The following C2orf78 variants were observed in gnomAD, a reference collection of about 807,000 sequenced individuals.
C2orf78 encodes the protein chromosome 2 open reading frame 78, also known as uncharacterized protein C2orf78.
In C2orf78, 12 loss-of-function variants were observed where a neutral mutation model predicts 21.4. The ratio of observed to expected loss-of-function variants is 0.56; its 90% CI spans 0.36 to 0.91. C2orf78 has a LOEUF of 0.91. Among genes scored for constraint, C2orf78 ranks in the 40% least tolerant of loss-of-function variants. The pLI is 0.01. For missense variants in C2orf78, 1,042 were observed against 1,092.4 expected (o/e 0.95, Z 0.65); for synonymous variants, 396 against 413.9 (o/e 0.96, Z 0.52).
chr2:73,811,369 AT>A (rs1327623611), intron 1 of C2orf78, among the ~76,000 whole-genome samples: 1 of 152,140 alleles, frequency 6.6e-6, no homozygotes, highest in Non-Finnish European at 1.5e-5. Flanking sequence ...AGGACATGTA[AT>A]TTGCAGTGTG....
At chr2:73,817,062 T>G (rs1673219609) in exon 3 of C2orf78, 1 of 1,392,352 alleles carries the variant, frequency 7.2e-7, no homozygotes, top group East Asian at 2.5e-5. Flanking sequence ...ACTAATTTAT[T>G]TATTCTGATA....
intron 2 of C2orf78, 126 bp from the exon 3 acceptor site, chr2:73,814,945 A>G (rs1273478079): frequency 1.2e-5 from 10 of 835,684 alleles, no homozygotes; most frequent in Non-Finnish European, 1.9e-5. Flanking sequence ...GGTCTTGCCC[A>G]TGGTCCTTAA....
chr2:73,815,409 C>T, exon 3 of C2orf78: 2 of 1,613,964 alleles, frequency 1.2e-6, no homozygotes, highest in Non-Finnish European at 1.7e-6. Flanking sequence ...CCCCGATATT[C>T]ACCCGCTTCT....
At chr2:73,809,106 C>T (rs183255290) in intron 1 of C2orf78, among the ~76,000 whole-genome samples, 29 of 152,286 alleles carry the variant, frequency 1.9e-4, no homozygotes, top group African/African-American at 6.5e-4. Context: ...AAATCTGTTT[C>T]CTCATCTATT....
intron 1 of C2orf78, among the ~76,000 whole-genome samples, chr2:73,809,124 G>A (rs1443882555): frequency 6.6e-6 from 1 of 152,106 alleles, no homozygotes; most frequent in Non-Finnish European, 1.5e-5. Context: ...ATTACACTAG[G>A]ATAATAGACT....
intron 2 of C2orf78, among the ~76,000 whole-genome samples, chr2:73,814,689 T>G (rs1673157971): frequency 6.6e-6 from 1 of 152,206 alleles, no homozygotes; most frequent in South Asian, 2.1e-4. Flanking sequence ...ATATATTTCA[T>G]GAGGAAGGGC....
At chr2:73,813,797 T>C (rs767965241) in exon 2 of C2orf78, 6 of 1,613,910 alleles carry the variant, frequency 3.7e-6, no homozygotes, top group Non-Finnish European at 4.2e-6. Flanking sequence ...AAAGAAGTCA[T>C]CCTCACTCAG....
chr2:73,786,109 G>A (rs1030894395), intron 1 of C2orf78, among the ~76,000 whole-genome samples: 1 of 151,956 alleles, frequency 6.6e-6, no homozygotes, highest in African/African-American at 2.4e-5. Flanking sequence ...GCAGGGTGCG[G>A]TGGCTCACAC....
chr2:73,815,449 A>G, exon 3 of C2orf78: 1 of 1,613,932 alleles, frequency 6.2e-7, no homozygotes, highest in Non-Finnish European at 8.5e-7. Flanking sequence ...GGCCAAGAGG[A>G]GCAGCCTGGT....
Position 73,813,962 on chromosome 2 carries a change from A to G in C2orf78, c.583A>G (p.Asn195Asp), listed in dbSNP as rs1286979368. The G allele has an allele frequency of 3.1e-6, 5 of 1,614,026 alleles. No homozygotes were observed. The South Asian group carries it at 4.4e-5, about 14-fold the overall frequency. Residue 195 changes from asparagine to aspartate, a missense_variant, in exon 2 of 3, where the codon AAT becomes GAT. Asn to Asp is a conservative substitution (Grantham distance 23). This residue lies in a region of C2orf78 where 1,039 missense variants were observed against 1,069.7 expected (regional missense o/e 0.97). Transcript: ENST00000409561. ...TCAGGGGACACTAACTCAAATTCCA[A>G]ATCAGCAGGGCCATAACCTGTCACT...
exon 2 of C2orf78, chr2:73,813,496 T>C: frequency 6.2e-7 from 1 of 1,605,894 alleles, no homozygotes; most frequent in South Asian, 1.1e-5. Flanking sequence ...AAAATACGTC[T>C]TTACCTGGAA....
chr2:73,786,000 C>T (rs1340180897), intron 1 of C2orf78, among the ~76,000 whole-genome samples: 6 of 151,696 alleles, frequency 4.0e-5, no homozygotes, highest in African/African-American at 1.5e-4. Context: ...GAGCCAAGAT[C>T]GCGCCATTGC....
At chr2:73,784,790 G>A (rs1672893728) in intron 1 of C2orf78, among the ~76,000 whole-genome samples, 1 of 151,388 alleles carries the variant, frequency 6.6e-6, no homozygotes, top group Non-Finnish European at 1.5e-5. Context: ...TATATTCTGA[G>A]ATGTTTCATG....
intron 1 of C2orf78, among the ~76,000 whole-genome samples, chr2:73,808,208 C>A (rs1257601167): frequency 6.6e-6 from 1 of 150,990 alleles, no homozygotes; most frequent in Non-Finnish European, 1.5e-5. Context: ...GAGCCAAGAT[C>A]ACGCCACTGC....
exon 2 of C2orf78, chr2:73,813,871 G>T (rs761349131): frequency 6.2e-7 from 1 of 1,613,954 alleles, no homozygotes; most frequent in Non-Finnish European, 8.5e-7. Flanking sequence ...TGACAGCCCA[G>T]TATTATAAAA....
chr2:73,797,875 A>C (rs1672954159), intron 1 of C2orf78, among the ~76,000 whole-genome samples: 1 of 22,058 alleles, frequency 4.5e-5, no homozygotes, highest in Non-Finnish European at 9.3e-5. Flanking sequence ...GGACACTGAA[A>C]AGAAGACTCC....
At chr2:73,810,532 A>G (rs1573199112) in intron 1 of C2orf78, among the ~76,000 whole-genome samples, 1 of 76,732 alleles carries the variant, frequency 1.3e-5, no homozygotes. Context: ...TGTCTCAAAA[A>G]GAAAATATAT....
intron 1 of C2orf78, among the ~76,000 whole-genome samples, chr2:73,811,807 T>C (rs993747637): frequency 6.6e-6 from 1 of 152,162 alleles, no homozygotes; most frequent in Non-Finnish European, 1.5e-5. Flanking sequence ...CTCATGATAC[T>C]TTTTAAGAGT....
intron 1 of C2orf78, among the ~76,000 whole-genome samples, chr2:73,786,199 G>A (rs1432461669): frequency 6.6e-6 from 1 of 151,872 alleles, no homozygotes; most frequent in South Asian, 2.1e-4. Context: ...AGGCAACATG[G>A]TGAAACCCCA....
Sources: allele counts gnomAD v4.1 joint callset (sites outside exome capture counted in the v4.1 genomes callset), GRCh38; gene constraint gnomAD v4.1.1; regional missense constraint gnomAD v4.1.1; transcripts MANE v1.5; gene names NCBI Gene and HGNC (gene_info 2026-07-23, HGNC 2026-07-21).